Variants in PTPRR observed in about 807,000 individuals in gnomAD.
PTPRR encodes the protein receptor-type tyrosine-protein phosphatase R.
A neutral mutation model predicts 77.2 loss-of-function variants in PTPRR; 38 were observed. That is an observed-to-expected ratio of 0.49 (90% CI 0.38 to 0.65). The LOEUF (loss-of-function observed/expected upper bound fraction) is 0.65. Among genes scored for constraint, PTPRR ranks in the 30% least tolerant of loss-of-function variants. The probability of loss-of-function intolerance (pLI) is 0.00; values close to 1 mark genes in which losing one functional copy is unlikely to be tolerated. For missense variants in PTPRR, 744 were observed against 799.2 expected (o/e 0.93, Z 0.83); for synonymous variants, 299 against 283.1 (o/e 1.06, Z -0.57).
chr12:70,914,950 A>C (rs1249507892), intron 1 of PTPRR, among the ~76,000 whole-genome samples: 2 of 152,198 alleles, frequency 1.3e-5, no homozygotes, highest in Admixed American at 1.3e-4. Flanking sequence ...GGAAATGTGG[A>C]TTTTGGAATC....
intron 6 of PTPRR, 25 bp downstream of exon 6, chr12:70,745,793 T>G: frequency 6.2e-7 from 1 of 1,601,342 alleles, no homozygotes; most frequent in East Asian, 2.2e-5. Flanking sequence ...AAGCCACACG[T>G]AGGGTATACA....
chr12:70,701,385 T>C, intron 6 of PTPRR, 62 bp from the exon 7 acceptor site: 1 of 1,488,226 alleles, frequency 6.7e-7, no homozygotes, highest in East Asian at 2.3e-5. Flanking sequence ...CAAAAACTTG[T>C]CTTTCTGTAC....
intron 1 of PTPRR, among the ~76,000 whole-genome samples, chr12:70,918,056 T>G (rs1893799996): frequency 6.6e-6 from 1 of 152,234 alleles, no homozygotes; most frequent in African/African-American, 2.4e-5. Flanking sequence ...AAGTAGAGAT[T>G]AATATCTTGA....
chr12:70,860,331 TTC>T (rs1180389626), intron 2 of PTPRR, among the ~76,000 whole-genome samples: 1 of 152,100 alleles, frequency 6.6e-6, no homozygotes, highest in South Asian at 2.1e-4. Context: ...TTAAATGAAA[TTC>T]TGTGTGACAT....
chr12:70,915,681 C>G (rs1005537416), intron 1 of PTPRR, among the ~76,000 whole-genome samples: 1 of 152,180 alleles, frequency 6.6e-6, no homozygotes, highest in Non-Finnish European at 1.5e-5. Context: ...CAAACCCATC[C>G]TTTATTGCCC....
intron 2 of PTPRR, among the ~76,000 whole-genome samples, chr12:70,843,259 G>A (rs748914675): frequency 6.6e-6 from 1 of 152,170 alleles, no homozygotes; most frequent in African/African-American, 2.4e-5. Context: ...TAGTCTTTAT[G>A]CTCTCTGGTT....
At chr12:70,824,212 ACC>A (rs1213594094) in intron 2 of PTPRR, among the ~76,000 whole-genome samples, 1 of 151,924 alleles carries the variant, frequency 6.6e-6, no homozygotes, top group Non-Finnish European at 1.5e-5. Flanking sequence ...GTAATTATAA[ACC>A]TTTTAATAGA....
intron 8 of PTPRR, among the ~76,000 whole-genome samples, chr12:70,696,482 T>C (rs1269201814): frequency 6.6e-6 from 1 of 152,164 alleles, no homozygotes; most frequent in African/African-American, 2.4e-5. Flanking sequence ...CACCTAGGTG[T>C]TTGCTAAAAG....
At chr12:70,832,974 G>C (rs2470377) in intron 2 of PTPRR, among the ~76,000 whole-genome samples, 3,800 of 152,136 alleles carry the variant, frequency 0.025, 165 homozygotes, top group African/African-American at 0.086. Flanking sequence ...AAATGTGCCA[G>C]GGCAGATTCA....
intron 1 of PTPRR, among the ~76,000 whole-genome samples, chr12:70,908,098 C>T (rs1893648827): frequency 6.6e-6 from 1 of 152,002 alleles, no homozygotes; most frequent in African/African-American, 2.4e-5. Flanking sequence ...CAGAGTTCTC[C>T]AGACAACTTA....
chr12:70,860,172 G>C (rs78775157), intron 2 of PTPRR, among the ~76,000 whole-genome samples: 6,642 of 152,164 alleles, frequency 0.044, 200 homozygotes, highest in Non-Finnish European at 0.065. Flanking sequence ...CCACAAGGCA[G>C]CATATCATTT....
chr12:70,828,923 G>T (rs759082447), intron 2 of PTPRR, among the ~76,000 whole-genome samples: 37 of 152,232 alleles, frequency 2.4e-4, no homozygotes, highest in Non-Finnish European at 5.1e-4. Context: ...AACATTTACT[G>T]CAAACCTTCT....
intron 3 of PTPRR, among the ~76,000 whole-genome samples, chr12:70,763,641 A>G (rs979088885): frequency 1.3e-5 from 2 of 152,226 alleles, no homozygotes; most frequent in Admixed American, 1.3e-4. Context: ...GTGAATGCAG[A>G]TGGGTGCAAT....
At chr12:70,895,776 G>A (rs4760854) in intron 1 of PTPRR, among the ~76,000 whole-genome samples, 110,267 of 151,384 alleles carry the variant, frequency 0.73, 40,281 homozygotes, top group African/African-American at 0.75. Context: ...GTCTGGAATT[G>A]GTTTTGTATT....
intron 2 of PTPRR, among the ~76,000 whole-genome samples, chr12:70,811,460 G>T (rs1042874142): frequency 1.3e-5 from 2 of 152,116 alleles, no homozygotes; most frequent in Non-Finnish European, 2.9e-5. Flanking sequence ...CCTGCAAAAG[G>T]TTCAAAAGCA....
intron 2 of PTPRR, among the ~76,000 whole-genome samples, chr12:70,846,866 T>G (rs1892493742): frequency 6.6e-6 from 1 of 152,134 alleles, no homozygotes; most frequent in South Asian, 2.1e-4. Context: ...CAGATAGGCA[T>G]CTGTCTTTCC....
At chr12:70,788,984 T>A in intron 2 of PTPRR, 1 of 1,006,332 alleles carries the variant, frequency 9.9e-7, no homozygotes, top group Non-Finnish European at 1.4e-6. Context: ...GTACTGTTTC[T>A]AGAGACACTG....
intron 2 of PTPRR, among the ~76,000 whole-genome samples, chr12:70,765,539 C>A (rs1406972170): frequency 6.6e-6 from 1 of 152,206 alleles, no homozygotes; most frequent in Non-Finnish European, 1.5e-5. Flanking sequence ...CACCACAGCT[C>A]AAGGAGGCCT....
rs771463912 is a variant in PTPRR, at chr12:70,698,303, C to T, written c.1241G>A (p.Arg414His). ...CTTATAGCGATTTTTAGTTCCATGA[C>T]GCGGAATATCAATTTCTTTGGGATC... ...FVDPKEIDIP[R>H]HGTKNRYKTI... Residue 414 changes from arginine to histidine, a missense_variant, in exon 8 of 14, where the codon CGT becomes CAT. Coordinates refer to ENST00000283228, the MANE Select transcript of PTPRR (RefSeq NM_002849.4). 13 of 1,612,806 alleles carry T rather than the reference C, an allele frequency of 8.1e-6. No homozygotes were observed. The highest frequency in any genetic ancestry group is 2.2e-5 in the East Asian group (1 of 44,856).
Sources: allele counts gnomAD v4.1 joint callset (sites outside exome capture counted in the v4.1 genomes callset), GRCh38; gene constraint gnomAD v4.1.1; transcripts MANE v1.5; gene names NCBI Gene and HGNC (gene_info 2026-07-23, HGNC 2026-07-21).